Variants in VPS13D observed in about 807,000 individuals in gnomAD.
VPS13D encodes the protein intermembrane lipid transfer protein VPS13D.
VPS13D carries 187 observed loss-of-function variants against 461.9 expected under a neutral mutation model. The observed-to-expected ratio is 0.40, with a 90% CI of 0.36 to 0.46. The LOEUF is 0.46. VPS13D is among the 20% of genes least tolerant of loss of function. The pLI is 0.60. For missense variants in VPS13D, 4,711 were observed against 5,364.9 expected (o/e 0.88, Z 3.81); for synonymous variants, 1,951 against 1,986.3 (o/e 0.98, Z 0.47).
chr1:12,435,341 G>A (rs1157585252), intron 65 of VPS13D, among the ~76,000 whole-genome samples: 1 of 151,940 alleles, frequency 6.6e-6, no homozygotes, highest in Non-Finnish European at 1.5e-5. Flanking sequence ...CCCGCCTGTA[G>A]TCACACCTAC....
intron 33 of VPS13D, 56 bp downstream of exon 33, chr1:12,322,020 C>T: frequency 6.3e-7 from 1 of 1,581,564 alleles, no homozygotes; most frequent in Non-Finnish European, 8.6e-7. Flanking sequence ...CTGTCCTATG[C>T]AGGCACTCTT....
chr1:12,392,979 A>G (rs979009249), intron 60 of VPS13D, among the ~76,000 whole-genome samples: 1 of 152,218 alleles, frequency 6.6e-6, no homozygotes, highest in Non-Finnish European at 1.5e-5. Flanking sequence ...GTTGCCTCCA[A>G]AATCCAAATA....
chr1:12,365,056 A>G (rs906379805), intron 52 of VPS13D, among the ~76,000 whole-genome samples: 7 of 152,180 alleles, frequency 4.6e-5, no homozygotes, highest in Non-Finnish European at 1.0e-4. Flanking sequence ...CTGTTGTTGA[A>G]AATCATTTGA....
At chr1:12,484,081 T>G (rs1328319785) in intron 67 of VPS13D, among the ~76,000 whole-genome samples, 1 of 152,228 alleles carries the variant, frequency 6.6e-6, no homozygotes, top group Non-Finnish European at 1.5e-5. Context: ...ATGGTTTTTA[T>G]TTTTGTTTCC....
intron 22 of VPS13D, among the ~76,000 whole-genome samples, chr1:12,290,444 C>T (rs955629406): frequency 7.2e-5 from 11 of 151,900 alleles, no homozygotes; most frequent in African/African-American, 2.4e-4. Flanking sequence ...GTAATGTTGC[C>T]GGGCGCGGTG....
intron 1 of VPS13D, among the ~76,000 whole-genome samples, chr1:12,231,030 C>T (rs1173046655): frequency 6.6e-6 from 1 of 152,206 alleles, no homozygotes; most frequent in Non-Finnish European, 1.5e-5. Context: ...TCAGCCCTGG[C>T]CGCCTCGGGG....
chr1:12,280,128 C>T (rs754068042), intron 20 of VPS13D, among the ~76,000 whole-genome samples: 1 of 152,120 alleles, frequency 6.6e-6, no homozygotes, highest in African/African-American at 2.4e-5. Context: ...TGTATGTATA[C>T]ACCTTTTCTT....
At chr1:12,347,870 T>C (rs1295882514) in intron 44 of VPS13D, among the ~76,000 whole-genome samples, 1 of 152,218 alleles carries the variant, frequency 6.6e-6, no homozygotes, top group Non-Finnish European at 1.5e-5. Context: ...TCCTGTCACA[T>C]GGTATTAGCA....
At chr1:12,294,431 T>C (rs1197942300) in intron 24 of VPS13D, among the ~76,000 whole-genome samples, 1 of 152,170 alleles carries the variant, frequency 6.6e-6, no homozygotes, top group Admixed American at 6.5e-5. Context: ...CTGAAAGGAG[T>C]ATAGAATGAT....
At chr1:12,350,241 T>C (rs1385247734) in intron 46 of VPS13D, among the ~76,000 whole-genome samples, 1 of 152,184 alleles carries the variant, frequency 6.6e-6, no homozygotes, top group African/African-American at 2.4e-5. Context: ...TTCAAGTATA[T>C]GTGGAACACT....
At chr1:12,388,578 G>GA (rs1644379519) in intron 60 of VPS13D, among the ~76,000 whole-genome samples, 1 of 146,828 alleles carries the variant, frequency 6.8e-6, no homozygotes, top group Non-Finnish European at 1.5e-5. Context: ...TGTCTCAGGG[G>GA]GAAAAAAAAA....
chr1:12,286,760 T>C (rs1272577181), intron 21 of VPS13D, among the ~76,000 whole-genome samples: 1 of 152,228 alleles, frequency 6.6e-6, no homozygotes, highest in Non-Finnish European at 1.5e-5. Context: ...AAGAGCTGGT[T>C]CAAGTGGTGG....
In VPS13D at chr1:12,333,310, A is replaced by G. The variant is rs139472722; in HGVS notation, c.8372A>G (p.Lys2791Arg). The change falls in exon 38 of 70, where the codon AAG becomes AGG. Residue 2791 changes from lysine to arginine, a missense_variant. Transcript: ENST00000620676. The part of the protein sequence containing the change: ...AASRLHPPRL[K>R]LEAKAKPRLD... ...AGTCGTCTCCATCCTCCTCGACTGAAGCTAGAAGCCAAGGCCAAACCTCGT... is the reference window on the plus strand; with the variant it reads ...AGTCGTCTCCATCCTCCTCGACTGAGGCTAGAAGCCAAGGCCAAACCTCGT... 5.6e-6 allele frequency: 9 copies of G among 1,614,032 alleles called. No individual in the cohort carries two copies. In the African/African-American group the frequency reaches 1.2e-4, roughly 22 times the overall value.
At chr1:12,341,721 G>T (rs1403500100) in intron 40 of VPS13D, 59 bp from the exon 41 acceptor site, 3 of 1,514,342 alleles carry the variant, frequency 2.0e-6, no homozygotes, top group Non-Finnish European at 2.7e-6. Context: ...CAGGTTGGGG[G>T]AGGGTCTCTG....
chr1:12,304,551 C>G lies in VPS13D; in HGVS notation c.6262C>G (p.Leu2088Val). The G allele has an allele frequency of 6.2e-7, 1 of 1,614,108 alleles. No individual in the cohort carries two copies. Among genetic ancestry groups the G allele is most frequent in the Non-Finnish European group, 8.5e-7 (1 of 1,180,022 alleles). Residue 2088 changes from leucine (L) to valine (V), a missense_variant, in exon 26 of 70, where the codon CTG (leucine) becomes GTG (valine). By Grantham distance (32) the Leu-to-Val change is conservative. Coordinates refer to ENST00000620676, the MANE Select transcript of VPS13D (RefSeq NM_015378.4). ...CCCAACGGGTATTCCCAAACACAGTCTGAGGAAAACGACAAGCACGGAGGA... is the reference window on the plus strand; with the variant it reads ...CCCAACGGGTATTCCCAAACACAGTGTGAGGAAAACGACAAGCACGGAGGA... The part of the protein sequence containing the change: ...ASPTGIPKHS[L>V]RKTTSTEEPR...
chr1:12,506,438 C>T (rs184693669), intron 68 of VPS13D, among the ~76,000 whole-genome samples: 43 of 152,320 alleles, frequency 2.8e-4, no homozygotes, highest in Admixed American at 2.5e-3. Flanking sequence ...GGTGTTTTAA[C>T]GCCAGGCTGT....
intron 33 of VPS13D, among the ~76,000 whole-genome samples, 166 bp from the exon 34 acceptor site, chr1:12,322,370 G>A (rs1360396435): frequency 1.3e-5 from 2 of 152,088 alleles, no homozygotes; most frequent in African/African-American, 2.4e-5. Flanking sequence ...CTTACCTTAC[G>A]GTTATTAGTG....
chr1:12,270,960 A>C (rs1641422607), intron 16 of VPS13D, 34 bp from the exon 17 acceptor site: 1 of 1,606,374 alleles, frequency 6.2e-7, no homozygotes, highest in Non-Finnish European at 8.5e-7. Context: ...CCGTGTGAAA[A>C]TTCTGACTCT....
chr1:12,280,500 CTT>C (rs774648603), intron 20 of VPS13D, among the ~76,000 whole-genome samples: 25 of 139,740 alleles, frequency 1.8e-4, no homozygotes, highest in South Asian at 9.3e-4. Context: ...TGTTGACTTA[CTT>C]TTTTTTTTTT....
Sources: allele counts gnomAD v4.1 joint callset (sites outside exome capture counted in the v4.1 genomes callset), GRCh38; gene constraint gnomAD v4.1.1; transcripts MANE v1.5; gene names NCBI Gene and HGNC (gene_info 2026-07-23, HGNC 2026-07-21).